Variants in RNF157 observed in about 807,000 individuals in gnomAD.
RNF157 encodes the protein ring finger protein 157, also known as E3 ubiquitin ligase RNF157.
A neutral mutation model predicts 88.3 loss-of-function variants in RNF157; 55 were observed. The observed-to-expected ratio is 0.62, with a 90% CI of 0.50 to 0.78. The LOEUF is 0.78. Among genes scored for constraint, RNF157 ranks in the 30% least tolerant of loss-of-function variants. The pLI is 0.00. For synonymous variants in RNF157, 334 were observed against 341.2 expected (o/e 0.98, Z 0.23); for missense variants, 788 against 860.8 (o/e 0.92, Z 1.06).
At chr17:76,196,509 A>G (rs940494681) in intron 2 of RNF157, among the ~76,000 whole-genome samples, 2 of 152,240 alleles carry the variant, frequency 1.3e-5, no homozygotes, top group African/African-American at 2.4e-5. Context: ...TATGTTATAC[A>G]TCAATAAATA....
intron 5 of RNF157, 147 bp from the exon 6 acceptor site, chr17:76,166,674 T>C (rs2068930303): frequency 1.5e-6 from 1 of 687,312 alleles, no homozygotes; most frequent in Non-Finnish European, 2.5e-6. Context: ...CCCAAGTTTG[T>C]TAACTGAGGG....
chr17:76,236,640 A>T (rs1005545508), intron 1 of RNF157, among the ~76,000 whole-genome samples: 1 of 152,242 alleles, frequency 6.6e-6, no homozygotes, highest in Non-Finnish European at 1.5e-5. Context: ...ATTATTAATA[A>T]ATCTAAAAAT....
chr17:76,166,805 T>C (rs1404790069), intron 5 of RNF157, among the ~76,000 whole-genome samples: 1 of 152,112 alleles, frequency 6.6e-6, no homozygotes, highest in African/African-American at 2.4e-5. Flanking sequence ...TTTCCATTCC[T>C]AGGGAATGGA....
At chr17:76,151,355 T>C (rs1314640668) in intron 18 of RNF157, among the ~76,000 whole-genome samples, 4 of 152,250 alleles carry the variant, frequency 2.6e-5, no homozygotes, top group African/African-American at 9.6e-5. Context: ...AGAGTGTGCT[T>C]GGACTGTGTC....
intron 16 of RNF157, chr17:76,154,666 A>G (rs1243722826): frequency 2.2e-5 from 6 of 269,530 alleles, no homozygotes; most frequent in Non-Finnish European, 3.5e-5. Flanking sequence ...AGATCATAAG[A>G]CTTTCAGAAA....
intron 18 of RNF157, chr17:76,145,566 T>C: frequency 2.0e-6 from 1 of 499,940 alleles, no homozygotes; most frequent in South Asian, 3.3e-5. Flanking sequence ...CTGGGCTAGG[T>C]ACAGTCACTG....
rs544212987 is a variant in RNF157, at chr17:76,218,119, C to A, written c.89-5637G>T. 2.5e-4 allele frequency among the ~76,000 whole-genome samples: 38 copies of A among 151,544 alleles called. 2 individuals are homozygous for A. The South Asian group carries it at 7.7e-3, about 31-fold the overall frequency. On this transcript the variant is annotated intron_variant, in intron 1 of 18. Transcript: ENST00000269391. Reference sequence around the variant, plus strand: ...AACACATAAATATCAAGAAAAAAAACCAAAAGGTATGAGCCAGAATGATCA... The same window carrying A: ...AACACATAAATATCAAGAAAAAAAAACAAAAGGTATGAGCCAGAATGATCA...
At chr17:76,222,710 G>T (rs1049859559) in intron 1 of RNF157, among the ~76,000 whole-genome samples, 5 of 152,122 alleles carry the variant, frequency 3.3e-5, no homozygotes, top group African/African-American at 1.2e-4. Flanking sequence ...GAGACCGAGA[G>T]ATGCAAGGTT....
chr17:76,233,244 G>A (rs1487489304), intron 1 of RNF157, among the ~76,000 whole-genome samples: 3 of 152,066 alleles, frequency 2.0e-5, no homozygotes, highest in Admixed American at 6.6e-5. Context: ...TAATTGGATG[G>A]TTTGTCTCCA....
rs1179371357 is a variant in RNF157 at position 76,145,142 on chromosome 17, C to T, written c.*93G>A. ...CTGTCACAGGAGGGTAAAAAGTCTC[C>T]AGCATCTTGCTGAGGATGCCCAGTA... is the stretch of plus-strand genomic sequence containing the variant. On this transcript the variant is annotated 3_prime_UTR_variant, in exon 19 of 19. Coordinates refer to ENST00000269391, the MANE Select transcript of RNF157 (RefSeq NM_052916.3). The T allele has an allele frequency of 2.6e-6, 2 of 784,066 alleles. No homozygotes were observed. The highest frequency in any genetic ancestry group is 5.3e-5 in the East Asian group (2 of 37,684). 48.6% of individuals were successfully genotyped at this position (784,066 alleles called of 1,614,324 possible). A position where few individuals can be genotyped will look rare whatever the true frequency, so the allele number is the denominator to read the frequency against.
At chr17:76,153,559 T>C (rs534944503) in intron 17 of RNF157, 20 of 152,426 alleles carry the variant, frequency 1.3e-4, no homozygotes, top group African/African-American at 4.8e-4. Context: ...CTGGAACACA[T>C]AGTGTTCCCT....
chr17:76,218,537 C>T (rs113981696), intron 1 of RNF157, among the ~76,000 whole-genome samples: 33 of 151,846 alleles, frequency 2.2e-4, no homozygotes, highest in African/African-American at 7.7e-4. Context: ...CCTAGATACT[C>T]GGGAAGCTAA....
At chr17:76,152,552 G>A in intron 17 of RNF157, 87 bp from the exon 18 acceptor site, 10 of 777,444 alleles carry the variant, frequency 1.3e-5, no homozygotes, top group Middle Eastern at 2.3e-4. Flanking sequence ...TAAGGATGGA[G>A]ACAAAAAAAA....
At chr17:76,165,456 A>G in intron 7 of RNF157, 46 bp downstream of exon 7, 1 of 1,603,840 alleles carries the variant, frequency 6.2e-7, no homozygotes, top group African/African-American at 1.3e-5. Flanking sequence ...CTCACACGAA[A>G]GAAAGGGCTA....
chr17:76,203,187 C>T lies in RNF157; in HGVS notation c.207+9177G>A, dbSNP rs376484295. On this transcript the variant is annotated intron_variant, in intron 2 of 18. Coordinates refer to ENST00000269391, the MANE Select transcript of RNF157 (RefSeq NM_052916.3). ...TGTATTTTTAGTAGAGACAGGGTTTCGCCATGTTGGCCAGGCTGGTCTCAA... is the reference window on the plus strand; with the variant it reads ...TGTATTTTTAGTAGAGACAGGGTTTTGCCATGTTGGCCAGGCTGGTCTCAA... Among the ~76,000 whole-genome samples the T allele has an allele frequency of 4.1e-4, 62 of 152,112 alleles. No homozygotes were observed. In the East Asian group the frequency reaches 0.011, roughly 28 times the overall value.
At chr17:76,222,402 A>G (rs1336135124) in intron 1 of RNF157, among the ~76,000 whole-genome samples, 1 of 152,150 alleles carries the variant, frequency 6.6e-6, no homozygotes, top group Non-Finnish European at 1.5e-5. Flanking sequence ...AACACTGTGA[A>G]TGTTCAAAAT....
At chr17:76,145,450 C>G in intron 18 of RNF157, 97 bp from the exon 19 acceptor site, 4 of 824,358 alleles carry the variant, frequency 4.9e-6, no homozygotes, top group Non-Finnish European at 7.9e-6. Flanking sequence ...ACGGAAGGAG[C>G]AGGATGCGTG....
At chr17:76,167,198 C>G in intron 4 of RNF157, 72 bp from the exon 5 acceptor site, 2 of 1,028,738 alleles carry the variant, frequency 1.9e-6, no homozygotes, top group Non-Finnish European at 3.0e-6. Context: ...TTCCTCTGCT[C>G]ATGCCTGTTC....
chr17:76,167,654 G>GC lies in RNF157; in HGVS notation c.439dup (p.Ala147GlyfsTer45), dbSNP rs2068949108. 4.3e-6 allele frequency: 7 copies of GC among 1,613,830 alleles called. No homozygotes were observed. The highest frequency in any genetic ancestry group is 1.3e-5 in the African/African-American group (1 of 74,860). ...TCTCCTGGTCTCCTGATCTTACCTG[G>GC]CAATACCATTCTGGAACTCTTCCGT... On this transcript the variant is annotated frameshift_variant, in exon 4 of 19. Coordinates refer to ENST00000269391, the MANE Select transcript of RNF157 (RefSeq NM_052916.3). LOFTEE classifies it high-confidence loss of function.
Sources: gnomAD v4.1 joint callset for allele counts (sites outside exome capture counted in the v4.1 genomes callset) on GRCh38, gnomAD v4.1.1 for gene constraint, MANE v1.5 for transcripts, NCBI Gene and HGNC (gene_info 2026-07-23, HGNC 2026-07-21) for gene names.